The following TAFA5 variants were observed in gnomAD, a reference collection of about 807,000 sequenced individuals.
TAFA5 encodes chemokine-like protein TAFA-5.
In TAFA5, 6 loss-of-function variants were observed where a neutral mutation model predicts 15.3. That is an observed-to-expected ratio of 0.39 (90% CI 0.21 to 0.77). The LOEUF (loss-of-function observed/expected upper bound fraction) is 0.77, where lower values mean the gene tolerates loss of function less well. Among genes scored for constraint, TAFA5 ranks in the 30% least tolerant of loss-of-function variants. The pLI is 0.41. For synonymous variants in TAFA5, 103 were observed against 80.7 expected, an observed-to-expected ratio of 1.28 and a Z score of -1.48; for missense variants, 161 against 193.1, an observed-to-expected ratio of 0.83 and a Z score of 0.98.
intron 3 of TAFA5, among the ~76,000 whole-genome samples, chr22:48,738,456 G>T (rs183256031): frequency 6.6e-6 from 1 of 152,158 alleles, no homozygotes; most frequent in African/African-American, 2.4e-5. Context: ...AGCAAGGGAA[G>T]GTCGAAGGCC....
At chr22:48,711,129 G>A (rs868460835) in intron 3 of TAFA5, among the ~76,000 whole-genome samples, 8 of 152,186 alleles carry the variant, frequency 5.3e-5, no homozygotes, top group African/African-American at 1.7e-4. Flanking sequence ...GCAGGTGGGA[G>A]TCTGACTGTA....
At chr22:48,518,929 C>T (rs2147105918) in intron 1 of TAFA5, among the ~76,000 whole-genome samples, 1 of 152,264 alleles carries the variant, frequency 6.6e-6, no homozygotes, top group East Asian at 1.9e-4. Context: ...CTGGGGTGAC[C>T]AGGCGGCCGG....
chr22:48,684,252 T>C (rs1928285860), intron 2 of TAFA5, among the ~76,000 whole-genome samples: 2 of 151,832 alleles, frequency 1.3e-5, no homozygotes, highest in South Asian at 4.2e-4. Context: ...GGATCAGGGG[T>C]TTGCTCACAG....
intron 1 of TAFA5, among the ~76,000 whole-genome samples, chr22:48,620,027 G>A (rs28698950): frequency 0.48 from 73,406 of 152,134 alleles, 19,888 homozygotes; most frequent in African/African-American, 0.74. Flanking sequence ...CAAATTCAAC[G>A]GGAAAGAGGA....
intron 2 of TAFA5, among the ~76,000 whole-genome samples, chr22:48,675,344 A>C (rs919149353): frequency 6.6e-6 from 1 of 152,234 alleles, no homozygotes; most frequent in Non-Finnish European, 1.5e-5. Context: ...CCCCGTCCAA[A>C]ACTCTGGGCC....
At chr22:48,735,592 T>C (rs1261321069) in intron 3 of TAFA5, among the ~76,000 whole-genome samples, 1 of 152,196 alleles carries the variant, frequency 6.6e-6, no homozygotes, top group Non-Finnish European at 1.5e-5. Context: ...GATCCGCCAG[T>C]CTCTCTGGAA....
intron 1 of TAFA5, among the ~76,000 whole-genome samples, chr22:48,590,739 C>T (rs963031763): frequency 7.2e-5 from 11 of 152,184 alleles, no homozygotes; most frequent in African/African-American, 2.7e-4. Context: ...TGCCCAGCCT[C>T]CTCCAGGCCA....
At chr22:48,745,101 G>A (rs1200599034) in intron 3 of TAFA5, among the ~76,000 whole-genome samples, 1 of 152,244 alleles carries the variant, frequency 6.6e-6, no homozygotes, top group African/African-American at 2.4e-5. Flanking sequence ...CTGTGAGGGT[G>A]TCTCAGCAGC....
chr22:48,647,871 C>T (rs565335244), intron 2 of TAFA5, among the ~76,000 whole-genome samples: 37 of 152,206 alleles, frequency 2.4e-4, no homozygotes, highest in Admixed American at 9.8e-4. Flanking sequence ...ATGCGGAGTC[C>T]CCTATGTGGG....
At chr22:48,726,488 AG>A (rs1220454291) in intron 3 of TAFA5, among the ~76,000 whole-genome samples, 5 of 152,214 alleles carry the variant, frequency 3.3e-5, no homozygotes, top group Non-Finnish European at 5.9e-5. Flanking sequence ...TGGGCTGGAC[AG>A]GTGAACTACC....
chr22:48,600,462 C>T (rs1349186219), intron 1 of TAFA5, among the ~76,000 whole-genome samples: 3 of 152,278 alleles, frequency 2.0e-5, no homozygotes, highest in South Asian at 2.1e-4. Context: ...TGTCATGGTT[C>T]GGCCTTTCCA....
chr22:48,559,363 C>T (rs923721044), intron 1 of TAFA5, among the ~76,000 whole-genome samples: 5 of 152,182 alleles, frequency 3.3e-5, no homozygotes, highest in African/African-American at 1.2e-4. Flanking sequence ...TCTTTCTAGT[C>T]TGGAGGTGGC....
intron 2 of TAFA5, among the ~76,000 whole-genome samples, chr22:48,684,053 A>T (rs985877354): frequency 6.6e-6 from 1 of 152,092 alleles, no homozygotes; most frequent in Non-Finnish European, 1.5e-5. Context: ...TATTCATAGC[A>T]GTTTGAAAAC....
intron 3 of TAFA5, among the ~76,000 whole-genome samples, chr22:48,733,497 G>A (rs1874834318): frequency 6.6e-6 from 1 of 152,220 alleles, no homozygotes; most frequent in Non-Finnish European, 1.5e-5. Flanking sequence ...CTTTTTGGAC[G>A]TTCCGGCAAA....
intron 1 of TAFA5, among the ~76,000 whole-genome samples, chr22:48,574,498 C>G (rs1373052349): frequency 6.6e-6 from 1 of 152,150 alleles, no homozygotes; most frequent in East Asian, 1.9e-4. Context: ...TACTGATTGC[C>G]TTGATCTATC....
intron 3 of TAFA5, among the ~76,000 whole-genome samples, chr22:48,734,405 T>C (rs1416219667): frequency 6.6e-6 from 1 of 152,268 alleles, no homozygotes; most frequent in Non-Finnish European, 1.5e-5. Context: ...AAGATGATTT[T>C]ACGTTTTATC....
At chr22:48,634,120 G>GCTCACTCACTCGCTCACTCA (rs1555894537) in intron 1 of TAFA5, among the ~76,000 whole-genome samples, 1 of 150,742 alleles carries the variant, frequency 6.6e-6, no homozygotes, top group Non-Finnish European at 1.5e-5. Context: ...TCACTCACTC[G>GCTCACTCACTCGCTCACTCA]CTCACTCACT....
intron 1 of TAFA5, among the ~76,000 whole-genome samples, chr22:48,554,763 C>T (rs564699455): frequency 6.9e-4 from 105 of 152,354 alleles, no homozygotes; most frequent in African/African-American, 2.3e-3. Flanking sequence ...CTAAGATTCT[C>T]TGCAGACCTA....
At chr22:48,492,539 A>G (rs6008735) in intron 1 of TAFA5, among the ~76,000 whole-genome samples, 22,403 of 151,964 alleles carry the variant, frequency 0.15, 1,871 homozygotes, top group African/African-American at 0.22. Context: ...TGGGATCCAT[A>G]TAGAAGGAGA....
Sources: allele counts gnomAD v4.1 joint callset (sites outside exome capture counted in the v4.1 genomes callset), GRCh38; gene constraint gnomAD v4.1.1; transcripts MANE v1.5; gene names NCBI Gene and HGNC (gene_info 2026-07-23, HGNC 2026-07-21).